ALK: variants seen among roughly 807,000 people sequenced by gnomAD.
ALK encodes the protein ALK tyrosine kinase receptor.
ALK carries 74 observed loss-of-function variants against 163.1 expected under a neutral mutation model. That is an observed-to-expected ratio of 0.45 (90% confidence interval 0.38 to 0.55). ALK has a LOEUF of 0.55. ALK is among the 20% of genes least tolerant of loss of function. The probability of loss-of-function intolerance (pLI) is 0.00; values close to 1 mark genes in which losing one functional copy is unlikely to be tolerated. For synonymous variants in ALK, 960 were observed against 843.2 expected (o/e 1.14, Z -2.40); for missense variants, 2,063 against 2,105.3 (o/e 0.98, Z 0.39).
intron 15 of ALK, among the ~76,000 whole-genome samples, chr2:29,229,825 G>A (rs770233351): frequency 3.9e-5 from 6 of 152,200 alleles, no homozygotes; most frequent in Non-Finnish European, 8.8e-5. Context: ...AGGGCCAGGC[G>A]CTCAGGAACT....
chr2:29,510,415 C>A (rs912596404), intron 4 of ALK, among the ~76,000 whole-genome samples: 1 of 151,942 alleles, frequency 6.6e-6, no homozygotes, highest in African/African-American at 2.4e-5. Flanking sequence ...AAACATGGCC[C>A]CAAAATAGAA....
chr2:29,900,069 T>A (rs750671948), intron 1 of ALK, among the ~76,000 whole-genome samples: 1 of 152,258 alleles, frequency 6.6e-6, no homozygotes, highest in Non-Finnish European at 1.5e-5. Flanking sequence ...CACTCTTCTC[T>A]GAAAGGCTGA....
chr2:29,917,488 G>T (rs970814361), intron 1 of ALK, among the ~76,000 whole-genome samples: 1 of 152,168 alleles, frequency 6.6e-6, no homozygotes, highest in Non-Finnish European at 1.5e-5. Flanking sequence ...TTTTCATAGG[G>T]AAAATGAACG....
intron 8 of ALK, among the ~76,000 whole-genome samples, chr2:29,313,804 G>A (rs925136995): frequency 1.3e-5 from 2 of 152,092 alleles, no homozygotes; most frequent in African/African-American, 4.8e-5. Context: ...TTTGGTGGGG[G>A]CTGATAAAGG....
chr2:29,787,540 C>T (rs1664067852), intron 1 of ALK, among the ~76,000 whole-genome samples: 3 of 152,118 alleles, frequency 2.0e-5, no homozygotes, highest in South Asian at 4.1e-4. Flanking sequence ...ATATGACAAG[C>T]GGTCCATGGG....
chr2:29,891,298 G>A (rs1234503633), intron 1 of ALK, among the ~76,000 whole-genome samples: 1 of 152,180 alleles, frequency 6.6e-6, no homozygotes, highest in Non-Finnish European at 1.5e-5. Flanking sequence ...GTTTAAGGAT[G>A]TCTTGCAGCA....
intron 11 of ALK, among the ~76,000 whole-genome samples, chr2:29,262,414 C>T (rs1294749310): frequency 6.6e-6 from 1 of 152,140 alleles, no homozygotes; most frequent in African/African-American, 2.4e-5. Context: ...GAGCGCCTGC[C>T]CATGTGTGCC....
intron 1 of ALK, among the ~76,000 whole-genome samples, chr2:29,782,690 A>G (rs1286783943): frequency 6.6e-6 from 1 of 152,196 alleles, no homozygotes. Context: ...ATCAGCCATC[A>G]AGCAGTAACC....
chr2:29,331,149 G>A (rs1002976722), intron 5 of ALK, among the ~76,000 whole-genome samples: 1 of 152,050 alleles, frequency 6.6e-6, no homozygotes. Context: ...TGGTCCCCTG[G>A]ACTATTCATC....
chr2:29,373,064 C>T (rs139474705), intron 5 of ALK, among the ~76,000 whole-genome samples: 3 of 152,280 alleles, frequency 2.0e-5, no homozygotes, highest in African/African-American at 7.2e-5. Flanking sequence ...AGCCCCTTCC[C>T]CATCACCAGC....
chr2:29,240,152 C>CAGAGAG lies in ALK; in HGVS notation c.2205-328_2205-323dup, dbSNP rs3054022. ...GGAGGGGAGAGAGAGAGGGAAACAG[C>CAGAGAG]AGAGAGAGAGAGAGAGAGAGAGAGA... On this transcript the variant is annotated intron_variant, in intron 12 of 28. Transcript: ENST00000389048. Among the ~76,000 whole-genome samples the CAGAGAG allele has an allele frequency of 4.3e-3, 623 of 143,398 alleles. 2 individuals carry two copies. Among genetic ancestry groups the CAGAGAG allele is most frequent in the South Asian group, 9.9e-3 (42 of 4,262 alleles). The allele number at this position is 143,398 out of a possible 152,430, so 94.1% of individuals were successfully genotyped here.
intron 4 of ALK, among the ~76,000 whole-genome samples, chr2:29,470,211 G>A (rs576400222): frequency 6.6e-6 from 1 of 152,124 alleles, no homozygotes; most frequent in South Asian, 2.1e-4. Flanking sequence ...AGAAAAAAAA[G>A]ACAGAATATA....
chr2:29,850,434 T>C (rs1207872591), intron 1 of ALK, among the ~76,000 whole-genome samples: 1 of 152,224 alleles, frequency 6.6e-6, no homozygotes, highest in Non-Finnish European at 1.5e-5. Flanking sequence ...AAGGTTTATG[T>C]AATTTTTTCT....
chr2:29,628,745 G>GTTA (rs1676270252), intron 3 of ALK, among the ~76,000 whole-genome samples: 2 of 152,138 alleles, frequency 1.3e-5, no homozygotes, highest in Non-Finnish European at 2.9e-5. Flanking sequence ...GTTCATGTGT[G>GTTA]ATCTCAAGCA....
intron 3 of ALK, among the ~76,000 whole-genome samples, chr2:29,684,579 G>T (rs942309825): frequency 3.3e-5 from 5 of 152,206 alleles, no homozygotes; most frequent in African/African-American, 9.7e-5. Flanking sequence ...AGAAGACACA[G>T]GTGACAGTGG....
At chr2:29,455,909 C>T (rs1386959058) in intron 4 of ALK, among the ~76,000 whole-genome samples, 1 of 152,172 alleles carries the variant, frequency 6.6e-6, no homozygotes, top group African/African-American at 2.4e-5. Flanking sequence ...CCCGAGGTCC[C>T]TGCACTCCTA....
intron 3 of ALK, among the ~76,000 whole-genome samples, chr2:29,575,320 A>T (rs981105755): frequency 6.6e-6 from 1 of 152,152 alleles, no homozygotes; most frequent in East Asian, 1.9e-4. Context: ...CTACAGACTT[A>T]TTTTATGGAA....
chr2:29,828,325 A>G (rs866287440), intron 1 of ALK, among the ~76,000 whole-genome samples: 1 of 152,234 alleles, frequency 6.6e-6, no homozygotes, highest in Non-Finnish European at 1.5e-5. Context: ...ATGGGATCGA[A>G]TTAAACTAAA....
intron 4 of ALK, among the ~76,000 whole-genome samples, chr2:29,491,124 T>G (rs1671889424): frequency 6.6e-6 from 1 of 152,178 alleles, no homozygotes; most frequent in Admixed American, 6.5e-5. Flanking sequence ...TTAATAAACA[T>G]TATCTTATTT....
Sources: gnomAD v4.1 joint callset for allele counts (sites outside exome capture counted in the v4.1 genomes callset) on GRCh38, gnomAD v4.1.1 for gene constraint, MANE v1.5 for transcripts, NCBI Gene and HGNC (gene_info 2026-07-23, HGNC 2026-07-21) for gene names.